The following MDGA2 variants were observed in gnomAD, a reference collection of about 807,000 sequenced individuals.
MDGA2 encodes the protein MAM domain containing glycosylphosphatidylinositol anchor 2.
Under a neutral mutation model 117.8 loss-of-function variants are expected in MDGA2, and 40 were observed. The observed-to-expected ratio is 0.34, with a 90% CI of 0.26 to 0.44. The LOEUF (loss-of-function observed/expected upper bound fraction) is 0.44, where lower values mean the gene tolerates loss of function less well. MDGA2 is among the 20% of genes least tolerant of loss of function. MDGA2 has a pLI of 1.00. For synonymous variants in MDGA2, 452 were observed against 439.0 expected (o/e 1.03, Z -0.37); for missense variants, 1,123 against 1,250.6 (o/e 0.90, Z 1.54).
intron 6 of MDGA2, among the ~76,000 whole-genome samples, chr14:47,080,475 G>C (rs1390075715): frequency 6.6e-6 from 1 of 151,400 alleles, no homozygotes; most frequent in Non-Finnish European, 1.5e-5. Flanking sequence ...TAAATATTAA[G>C]AACATGGCCA....
intron 3 of MDGA2, among the ~76,000 whole-genome samples, chr14:47,171,709 C>A (rs529378639): frequency 1.3e-5 from 2 of 152,202 alleles, no homozygotes; most frequent in Non-Finnish European, 2.9e-5. Context: ...CAGCTCCCAG[C>A]GTGAGCGACA....
Position 46,969,898 on chromosome 14 carries a change from C to G in MDGA2, c.1820-12255G>C, listed in dbSNP as rs376861709. Among the ~76,000 whole-genome samples the G allele has an allele frequency of 9.0e-5, 13 of 145,148 alleles. No homozygotes were observed. In the East Asian group the frequency reaches 2.9e-3, roughly 32 times the overall value. ...TGTATACCTATGTTAAAAACCTGCA[C>G]GTTGTGCACATGTACCTTAGAACTT... On this transcript the variant is annotated intron_variant, in intron 8 of 16. Coordinates refer to ENST00000399232, the MANE Select transcript of MDGA2 (RefSeq NM_001113498.3).
chr14:47,550,912 CT>C, intron 1 of MDGA2, among the ~76,000 whole-genome samples: 1 of 152,122 alleles, frequency 6.6e-6, no homozygotes, highest in Non-Finnish European at 1.5e-5. Flanking sequence ...AGCATTCACA[CT>C]GAGAGTGGCA....
intron 1 of MDGA2, among the ~76,000 whole-genome samples, chr14:47,561,153 G>GGTTTTTTTTTTTTTTTTTTTTTTTTTT (rs1895797132): frequency 2.0e-4 from 13 of 63,908 alleles, no homozygotes; most frequent in Admixed American, 4.2e-4. Flanking sequence ...TTTTTTTTTT[G>GGTTTTTTTTTTTTTTTTTTTTTTTTTT]TTTTGTTTTG....
chr14:47,562,787 CTT>C (rs1169009156), intron 1 of MDGA2, among the ~76,000 whole-genome samples: 2 of 151,912 alleles, frequency 1.3e-5, no homozygotes, highest in Non-Finnish European at 2.9e-5. Flanking sequence ...TTGGTTTGCT[CTT>C]GTTTCTCCAA....
chr14:47,395,721 C>A (rs958378749), intron 1 of MDGA2, among the ~76,000 whole-genome samples: 7 of 151,822 alleles, frequency 4.6e-5, no homozygotes, highest in Admixed American at 3.9e-4. Context: ...AAAACATATA[C>A]ATTTAGTAGG....
At chr14:46,917,823 G>A (rs1313350684) in intron 10 of MDGA2, among the ~76,000 whole-genome samples, 3 of 152,158 alleles carry the variant, frequency 2.0e-5, no homozygotes, top group Non-Finnish European at 4.4e-5. Flanking sequence ...GGAAAATGGT[G>A]TAGCATTTCC....
intron 6 of MDGA2, among the ~76,000 whole-genome samples, chr14:47,074,589 C>T (rs943020011): frequency 2.6e-5 from 4 of 152,208 alleles, no homozygotes; most frequent in Non-Finnish European, 5.9e-5. Context: ...CGTGAGCCAC[C>T]GCGCCCAGCC....
At chr14:47,437,480 CA>C (rs1892921953) in intron 1 of MDGA2, among the ~76,000 whole-genome samples, 1 of 152,110 alleles carries the variant, frequency 6.6e-6, no homozygotes. Context: ...GGAAAGATTG[CA>C]AATTACTAGA....
intron 3 of MDGA2, chr14:47,200,609 G>T: frequency 8.0e-7 from 1 of 1,252,620 alleles, no homozygotes; most frequent in Non-Finnish European, 1.1e-6. Context: ...GAAGACCTCT[G>T]TATATTTGTC....
intron 1 of MDGA2, among the ~76,000 whole-genome samples, chr14:47,337,489 G>T (rs1385099314): frequency 1.3e-5 from 2 of 151,886 alleles, no homozygotes; most frequent in Non-Finnish European, 2.9e-5. Context: ...TGTGTCAATT[G>T]AATTAAAAGA....
At chr14:47,658,435 G>T (rs751185605) in intron 1 of MDGA2, among the ~76,000 whole-genome samples, 2 of 152,130 alleles carry the variant, frequency 1.3e-5, no homozygotes, top group Non-Finnish European at 2.9e-5. Context: ...AAGGGTAATG[G>T]GTTCTAGAAG....
intron 1 of MDGA2, among the ~76,000 whole-genome samples, chr14:47,513,743 C>T (rs1284063164): frequency 6.6e-6 from 1 of 152,014 alleles, no homozygotes; most frequent in African/African-American, 2.4e-5. Flanking sequence ...TTGGCATTCC[C>T]TATCATATAT....
At chr14:46,864,116 T>C (rs1365995675) in intron 14 of MDGA2, among the ~76,000 whole-genome samples, 1 of 134,068 alleles carries the variant, frequency 7.5e-6, no homozygotes, top group Non-Finnish European at 1.5e-5. Flanking sequence ...TAATTAATAG[T>C]GTTAAAACAG....
chr14:47,613,479 T>TCACACACACACACACA (rs1555336468), intron 1 of MDGA2, among the ~76,000 whole-genome samples: 12 of 141,088 alleles, frequency 8.5e-5, no homozygotes, highest in African/African-American at 3.0e-4. Context: ...TCTCTCTCTC[T>TCACACACACACACACA]CACACACACA....
intron 1 of MDGA2, among the ~76,000 whole-genome samples, chr14:47,603,092 G>A (rs1275794609): frequency 6.6e-6 from 1 of 152,110 alleles, no homozygotes; most frequent in African/African-American, 2.4e-5. Flanking sequence ...AAATTGATGA[G>A]TCTATATATA....
At chr14:47,600,669 A>G (rs1048830755) in intron 1 of MDGA2, among the ~76,000 whole-genome samples, 1 of 151,456 alleles carries the variant, frequency 6.6e-6, no homozygotes, top group African/African-American at 2.4e-5. Flanking sequence ...CTCCAACCTC[A>G]GTCATCCTTG....
Position 47,558,272 on chromosome 14 carries a change from G to C in MDGA2, c.280+116245C>G, listed in dbSNP as rs374687845. Among the ~76,000 whole-genome samples the C allele has an allele frequency of 1.3e-3, 192 of 152,248 alleles. 1 individual carries two copies. The highest frequency in any genetic ancestry group is 4.3e-3 in the African/African-American group (178 of 41,546). The stretch of plus-strand genomic sequence containing the variant: ...CCTGGTTTAAAATAACCTGTGATAG[G>C]GTTGGGCAGGGGTAAGAAAAGAATT... On this transcript the variant is annotated intron_variant, in intron 1 of 16. Coordinates refer to ENST00000399232, the MANE Select transcript of MDGA2 (RefSeq NM_001113498.3).
At chr14:46,870,121 T>A (rs1314569496) in intron 14 of MDGA2, among the ~76,000 whole-genome samples, 1 of 151,936 alleles carries the variant, frequency 6.6e-6, no homozygotes, top group Non-Finnish European at 1.5e-5. Flanking sequence ...CACAAAAGTT[T>A]GGGGAAATTT....
Sources: allele counts gnomAD v4.1 joint callset (sites outside exome capture counted in the v4.1 genomes callset), GRCh38; gene constraint gnomAD v4.1.1; transcripts MANE v1.5; gene names NCBI Gene and HGNC (gene_info 2026-07-23, HGNC 2026-07-21).